SPIN1: variants seen among roughly 807,000 people sequenced by gnomAD.
SPIN1 encodes the protein spindlin 1, also known as spindlin-1.
A neutral mutation model predicts 26.0 loss-of-function variants in SPIN1; 3 were observed. The ratio of observed to expected loss-of-function variants is 0.12; its 90% confidence interval spans 0.05 to 0.30. The LOEUF (loss-of-function observed/expected upper bound fraction) is 0.30. SPIN1 is among the 10% of genes least tolerant of loss of function. The pLI is 1.00. For missense variants in SPIN1, 126 were observed against 333.4 expected (o/e 0.38, Z 4.84); for synonymous variants, 101 against 116.5 (o/e 0.87, Z 0.86).
At chr9:88,465,375 T>A (rs763562360) in intron 4 of SPIN1, among the ~76,000 whole-genome samples, 17 of 152,340 alleles carry the variant, frequency 1.1e-4, no homozygotes, top group Middle Eastern at 3.4e-3. Context: ...ACTACCATAC[T>A]GTTTTCCACA....
In SPIN1 at chr9:88,477,151, A is replaced by T. The variant is rs1477605255; in HGVS notation, c.*1874A>T. The T allele has an allele frequency of 6.6e-6, 1 of 152,044 alleles. No homozygotes were observed. The highest frequency in any genetic ancestry group is 2.4e-5 in the African/African-American group (1 of 41,382). The allele number at this position is 152,044 out of a possible 1,614,324, so 9.4% of individuals were successfully genotyped here. On this transcript the variant is annotated 3_prime_UTR_variant, in exon 6 of 6. Transcript: ENST00000375859. ...TATGTGAACAGGTGTCATTCTACAG[A>T]TCTGTTATGTGTTTTCCTGTTGACT...
intron 3 of SPIN1, among the ~76,000 whole-genome samples, chr9:88,454,173 A>T (rs1436253567): frequency 6.6e-6 from 1 of 152,294 alleles, no homozygotes; most frequent in East Asian, 1.9e-4. Context: ...CTGTGAGGGG[A>T]TGTTACTAAC....
chr9:88,467,766 G>A (rs144640739), intron 4 of SPIN1, among the ~76,000 whole-genome samples: 1 of 151,624 alleles, frequency 6.6e-6, no homozygotes, highest in Non-Finnish European at 1.5e-5. Flanking sequence ...GAATAAGATT[G>A]TAGGAGCAAG....
Position 88,402,317 on chromosome 9 carries a change from GGTAA to G in SPIN1, c.-159+13780_-159+13783del, listed in dbSNP as rs532337159. ...TGAGTATTTGTCATTGCTGTGTGCT[GGTAA>G]CATTTCAAGCCTTCTCTTTTAGCTA... is the stretch of plus-strand genomic sequence containing the variant. On this transcript the variant is annotated intron_variant, in intron 1 of 5. Transcript: ENST00000375859. Among the ~76,000 whole-genome samples the G allele has an allele frequency of 4.3e-3, 648 of 152,128 alleles. 3 individuals are homozygous for G. The highest frequency in any genetic ancestry group is 6.1e-3 in the Non-Finnish European group (415 of 67,998).
intron 2 of SPIN1, among the ~76,000 whole-genome samples, chr9:88,428,804 C>T (rs572476104): frequency 9.4e-4 from 143 of 151,948 alleles, no homozygotes; most frequent in Non-Finnish European, 1.7e-3. Context: ...CATAAGAGTC[C>T]GTGAGGTTAT....
At chr9:88,397,885 A>C (rs1587770872) in intron 1 of SPIN1, among the ~76,000 whole-genome samples, 2 of 151,574 alleles carry the variant, frequency 1.3e-5, no homozygotes, top group Admixed American at 6.6e-5. Context: ...CTGCCTCCCA[A>C]AGTGCTGAGA....
At chr9:88,411,197 G>T in intron 1 of SPIN1, 2 of 1,266,436 alleles carry the variant, frequency 1.6e-6, no homozygotes, top group Non-Finnish European at 2.3e-6. Flanking sequence ...TGTTGAGACA[G>T]CTCTCTTTGG....
intron 1 of SPIN1, among the ~76,000 whole-genome samples, chr9:88,425,834 A>C (rs1827754753): frequency 6.6e-6 from 1 of 152,016 alleles, no homozygotes; most frequent in Admixed American, 6.6e-5. Context: ...TTTGGCTATA[A>C]TTCTTTCTCT....
rs541425579 is a variant in SPIN1, at chr9:88,434,324, A to G, written c.52+7733A>G. 9.6e-3 allele frequency among the ~76,000 whole-genome samples: 1,442 copies of G among 150,864 alleles called. 21 individuals carry two copies. Among genetic ancestry groups the G allele is most frequent in the African/African-American group, 0.033 (1,369 of 41,292 alleles). Reference sequence around the variant, plus strand: ...AGTTTATTTTATAATTTATAAAATTATTTTACAAATTATAAAATAGTTTAT... The same window carrying G: ...AGTTTATTTTATAATTTATAAAATTGTTTTACAAATTATAAAATAGTTTAT... On this transcript the variant is annotated intron_variant, in intron 2 of 5. Transcript: ENST00000375859.
chr9:88,399,321 C>T (rs1022318112), intron 1 of SPIN1, among the ~76,000 whole-genome samples: 4 of 152,176 alleles, frequency 2.6e-5, no homozygotes, highest in Non-Finnish European at 4.4e-5. Context: ...CGTGAGCCAC[C>T]GTGCCCAGCC....
At position 88,404,934 on chromosome 9, in the gene SPIN1, A is replaced by C. The variant is rs543791141; in HGVS notation, c.-159+16396A>C. 2.8e-3 allele frequency among the ~76,000 whole-genome samples: 395 copies of C among 142,030 alleles called. 1 individual carries two copies. Among genetic ancestry groups the C allele is most frequent in the Non-Finnish European group, 4.3e-3 (290 of 67,832 alleles). The allele number at this position is 142,030 out of a possible 152,430, so 93.2% of individuals were successfully genotyped here. On this transcript the variant is annotated intron_variant, in intron 1 of 5. Transcript: ENST00000375859. Reference sequence around the variant, plus strand: ...TCGTCTCAAAAAAAAAAAAAACAAAAAAAAAAAAACTAAGATACTCAGGAT... The same window carrying C: ...TCGTCTCAAAAAAAAAAAAAACAAACAAAAAAAAACTAAGATACTCAGGAT...
chr9:88,413,770 C>T (rs1280444051), intron 1 of SPIN1, among the ~76,000 whole-genome samples: 1 of 152,112 alleles, frequency 6.6e-6, no homozygotes, highest in Non-Finnish European at 1.5e-5. Flanking sequence ...ATATATTCAT[C>T]AACAAATAAT....
Position 88,426,365 on chromosome 9 carries a change from GTTTCACTATT to G in SPIN1, c.-158-14_-158-5del. 1.9e-6 allele frequency: 1 copy of G among 521,950 alleles called. No homozygotes were observed. The highest frequency in any genetic ancestry group is 1.9e-5 in the African/African-American group (1 of 52,030). 32.3% of individuals were successfully genotyped at this position (521,950 alleles called of 1,614,324 possible). Reference sequence around the variant, plus strand: ...TCTCTTGATGCTCTAGTAATGAACTGTTTCACTATTTTACAGAGTGCTTGTGATTTCACGT... The same window carrying G: ...TCTCTTGATGCTCTAGTAATGAACTGTTACAGAGTGCTTGTGATTTCACGT... On this transcript the variant is annotated splice_region_variant and splice_polypyrimidine_tract_variant and intron_variant, in intron 1 of 5. Transcript: ENST00000375859.
chr9:88,408,981 T>TTGTGTGTG (rs148808911), intron 1 of SPIN1, among the ~76,000 whole-genome samples: 6,802 of 136,626 alleles, frequency 0.05, 510 homozygotes, highest in African/African-American at 0.16. Flanking sequence ...TTGTGTGTGT[T>TTGTGTGTG]TGTGTGTGTG....
At chr9:88,447,637 T>C (rs937427544) in intron 2 of SPIN1, among the ~76,000 whole-genome samples, 2 of 152,282 alleles carry the variant, frequency 1.3e-5, no homozygotes, top group African/African-American at 4.8e-5. Context: ...ATGTGCAGAT[T>C]TGTGTTAGCC....
At chr9:88,474,743 A>G (rs1229951863) in intron 5 of SPIN1, among the ~76,000 whole-genome samples, 3 of 152,178 alleles carry the variant, frequency 2.0e-5, no homozygotes, top group Non-Finnish European at 2.9e-5. Context: ...AATTGTTCAT[A>G]TATCTAGATG....
chr9:88,427,737 C>G (rs1036243545), intron 2 of SPIN1, among the ~76,000 whole-genome samples: 1 of 152,142 alleles, frequency 6.6e-6, no homozygotes, highest in African/African-American at 2.4e-5. Flanking sequence ...GCTGGGATTA[C>G]AGGCATGAGC....
Position 88,426,292 on chromosome 9 carries a change from C to T in SPIN1, c.-158-90C>T, listed in dbSNP as rs952701410. On this transcript the variant is annotated intron_variant, in intron 1 of 5. Coordinates refer to ENST00000375859, the MANE Select transcript of SPIN1 (RefSeq NM_006717.3). ...GGGACAAAATGCACTTTAGCTAATA[C>T]TTTTGCTTAAAATTTTATGTTTAAT... 1.2e-5 allele frequency: 4 copies of T among 336,322 alleles called. No homozygotes were observed. The Admixed American group carries it at 1.4e-4, about 12-fold the overall frequency. The allele number at this position is 336,322 out of a possible 1,614,324, so 20.8% of individuals were successfully genotyped here.
intron 1 of SPIN1, chr9:88,411,338 T>TC (rs1827438122): frequency 6.7e-7 from 1 of 1,488,568 alleles, no homozygotes; most frequent in African/African-American, 1.4e-5. Context: ...TACCACACAG[T>TC]CCGTGAGTGT....
Sources: gnomAD v4.1 joint callset for allele counts (sites outside exome capture counted in the v4.1 genomes callset) on GRCh38, gnomAD v4.1.1 for gene constraint, MANE v1.5 for transcripts, NCBI Gene and HGNC (gene_info 2026-07-23, HGNC 2026-07-21) for gene names.